NLGN1: variants seen among roughly 807,000 people sequenced by gnomAD.
NLGN1 encodes the protein neuroligin-1.
NLGN1 carries 12 observed loss-of-function variants against 65.5 expected under a neutral mutation model. That is an observed-to-expected ratio of 0.18 (90% CI 0.12 to 0.30). The LOEUF is 0.30. Ranked by LOEUF, NLGN1 falls within the 10% of genes least tolerant of loss-of-function variation. The pLI is 1.00. For missense variants in NLGN1, 750 were observed against 1,007.1 expected, an observed-to-expected ratio of 0.74 and a Z score of 3.46; for synonymous variants, 350 against 359.5, an observed-to-expected ratio of 0.97 and a Z score of 0.30.
chr3:173,419,034 T>C (rs1171015949), intron 1 of NLGN1, among the ~76,000 whole-genome samples: 153 of 134,286 alleles, frequency 1.1e-3, no homozygotes, highest in African/African-American at 4.0e-3. Flanking sequence ...TTTTTTTTTT[T>C]TTTTTTTTTT....
chr3:173,909,754 C>T (rs944337650), intron 4 of NLGN1, among the ~76,000 whole-genome samples: 6 of 152,078 alleles, frequency 3.9e-5, no homozygotes, highest in Non-Finnish European at 7.4e-5. Flanking sequence ...ATCTCGGCTA[C>T]CGCAACCTCC....
intron 4 of NLGN1, among the ~76,000 whole-genome samples, chr3:173,978,978 C>G (rs1718168068): frequency 6.6e-6 from 1 of 151,640 alleles, no homozygotes. Flanking sequence ...ACACTCCAGC[C>G]TGGATGACAG....
chr3:173,829,556 G>A (rs201129758), intron 4 of NLGN1, among the ~76,000 whole-genome samples: 100,248 of 144,598 alleles, frequency 0.69, 34,151 homozygotes, highest in Non-Finnish European at 0.76. Flanking sequence ...GTGTGTGCGT[G>A]TGTGTGTGTG....
At position 173,804,001 on chromosome 3, in the gene NLGN1, A is replaced by T. The variant is rs1420606661; in HGVS notation, c.494-3679A>T. On this transcript the variant is annotated intron_variant, in intron 3 of 6. Transcript: ENST00000457714. ...TAATAATTATTCACTAAGATCATTA[A>T]TGGAAGTTGTAATTTCAAACTCTGG... Among the ~76,000 whole-genome samples, 4 of 152,330 alleles carry T rather than the reference A, an allele frequency of 2.6e-5. No homozygotes were observed. The East Asian group carries it at 7.7e-4, about 29-fold the overall frequency.
At chr3:174,039,114 C>T (rs973090648) in intron 4 of NLGN1, among the ~76,000 whole-genome samples, 7 of 151,982 alleles carry the variant, frequency 4.6e-5, no homozygotes, top group Non-Finnish European at 7.4e-5. Context: ...TGAGACTCCT[C>T]GGGCATGAGA....
rs1262986071 is a variant in NLGN1, at chr3:174,072,041, G to GA, written c.647-203270dup. ...AAGGACCAGAATGAATTAAAAGGTG[G>GA]AAAAGATGCATAGTTGATAACAGAG... On this transcript the variant is annotated intron_variant, in intron 4 of 6. Coordinates refer to ENST00000457714, the Ensembl canonical transcript of NLGN1. Among the ~76,000 whole-genome samples, 12 of 152,258 alleles carry GA rather than the reference G, an allele frequency of 7.9e-5. No individual in the cohort carries two copies. The East Asian group carries it at 2.3e-3, about 29-fold the overall frequency.
At position 173,580,773 on chromosome 3, in the gene NLGN1, C is replaced by G. The variant is rs190546443; in HGVS notation, c.-320-23506C>G. Reference sequence around the variant, plus strand: ...CACTTAAACATACTGAAAAATGAACCTTCAGTTCTATATTAATATCTAATA... The same window carrying G: ...CACTTAAACATACTGAAAAATGAACGTTCAGTTCTATATTAATATCTAATA... On this transcript the variant is annotated intron_variant, in intron 2 of 6. Coordinates refer to ENST00000457714, the Ensembl canonical transcript of NLGN1. Among the ~76,000 whole-genome samples the G allele has an allele frequency of 2.8e-3, 422 of 152,010 alleles. 1 individual carries two copies. The highest frequency in any genetic ancestry group is 9.5e-3 in the African/African-American group (396 of 41,502).
chr3:174,273,685 T>C (rs977633236), intron 4 of NLGN1, among the ~76,000 whole-genome samples: 2 of 151,738 alleles, frequency 1.3e-5, no homozygotes, highest in African/African-American at 4.8e-5. Context: ...ACAACTTTAG[T>C]CTTAAGGAAA....
chr3:173,433,013 G>T (rs1421326698), intron 1 of NLGN1, among the ~76,000 whole-genome samples: 1 of 152,062 alleles, frequency 6.6e-6, no homozygotes, highest in Non-Finnish European at 1.5e-5. Context: ...TAAAAATAAT[G>T]AGTTTGCACT....
intron 4 of NLGN1, among the ~76,000 whole-genome samples, chr3:174,044,168 C>T (rs542542915): frequency 6.6e-6 from 1 of 152,276 alleles, no homozygotes; most frequent in East Asian, 1.9e-4. Context: ...AGCCCTGGGC[C>T]TGGCCCACAA....
At chr3:174,133,462 C>T (rs192742424) in intron 4 of NLGN1, among the ~76,000 whole-genome samples, 6 of 152,270 alleles carry the variant, frequency 3.9e-5, no homozygotes, top group South Asian at 4.2e-4. Flanking sequence ...TATTAATTAA[C>T]GCCTGGGTTA....
intron 2 of NLGN1, among the ~76,000 whole-genome samples, chr3:173,570,943 C>G (rs1413808241): frequency 6.6e-6 from 1 of 152,106 alleles, no homozygotes. Flanking sequence ...ACCTCGTGAT[C>G]CACCCGTCTC....
At chr3:173,602,749 A>G (rs1379340232) in intron 2 of NLGN1, among the ~76,000 whole-genome samples, 2 of 152,024 alleles carry the variant, frequency 1.3e-5, no homozygotes, top group East Asian at 3.9e-4. Flanking sequence ...GTGCATTTTT[A>G]ACACCAAAAG....
At chr3:173,546,010 G>A (rs1200418326) in intron 2 of NLGN1, among the ~76,000 whole-genome samples, 1 of 152,074 alleles carries the variant, frequency 6.6e-6, no homozygotes, top group African/African-American at 2.4e-5. Context: ...GGGTTGATAG[G>A]TGCAGCAAAC....
intron 2 of NLGN1, among the ~76,000 whole-genome samples, chr3:173,587,033 T>C (rs1343289589): frequency 6.6e-6 from 1 of 152,216 alleles, no homozygotes; most frequent in Non-Finnish European, 1.5e-5. Flanking sequence ...ATAGAGAATA[T>C]GGCTGTTGAT....
At chr3:173,926,728 A>G (rs1743074248) in intron 4 of NLGN1, among the ~76,000 whole-genome samples, 1 of 152,192 alleles carries the variant, frequency 6.6e-6, no homozygotes, top group Non-Finnish European at 1.5e-5. Context: ...CAGGAAATGC[A>G]TCCATCCAAG....
intron 4 of NLGN1, among the ~76,000 whole-genome samples, chr3:174,097,118 A>G (rs1042212350): frequency 6.6e-6 from 1 of 152,164 alleles, no homozygotes; most frequent in Non-Finnish European, 1.5e-5. Context: ...CACTGTAGAA[A>G]GATGCTAGCT....
intron 4 of NLGN1, among the ~76,000 whole-genome samples, chr3:173,895,194 C>A (rs543086923): frequency 6.6e-6 from 1 of 152,272 alleles, no homozygotes; most frequent in Non-Finnish European, 1.5e-5. Flanking sequence ...CCTCTTTCCT[C>A]TTGCATCTCT....
intron 4 of NLGN1, among the ~76,000 whole-genome samples, chr3:174,026,272 A>G (rs926946398): frequency 6.6e-6 from 1 of 152,084 alleles, no homozygotes; most frequent in African/African-American, 2.4e-5. Flanking sequence ...GACTATAGAC[A>G]TGTGCCACCA....
Sources: gnomAD v4.1 joint callset for allele counts (sites outside exome capture counted in the v4.1 genomes callset) on GRCh38, gnomAD v4.1.1 for gene constraint, MANE v1.5 for transcripts, NCBI Gene and HGNC (gene_info 2026-07-23, HGNC 2026-07-21) for gene names.